The following MAGOHB variants were observed in gnomAD, a reference collection of about 807,000 sequenced individuals.
The protein encoded by MAGOHB is protein mago nashi homolog 2.
Under a neutral mutation model 20.9 loss-of-function variants are expected in MAGOHB, and 15 were observed. The observed-to-expected ratio is 0.72, with a 90% confidence interval of 0.48 to 1.11. MAGOHB has a LOEUF of 1.11. MAGOHB is among the 50% of genes least tolerant of loss of function. The pLI is 0.00. For missense variants in MAGOHB, 162 were observed against 177.6 expected, an observed-to-expected ratio of 0.91 and a Z score of 0.50; for synonymous variants, 50 against 57.9, an observed-to-expected ratio of 0.86 and a Z score of 0.62.
chr12:10,606,078 ATG>A lies in MAGOHB; in HGVS notation c.*195_*196del, dbSNP rs2120505579. 2.9e-6 allele frequency: 1 copy of A among 350,050 alleles called. No homozygotes were observed. The highest frequency in any genetic ancestry group is 4.8e-5 in the Admixed American group (1 of 20,862). 21.7% of individuals were successfully genotyped at this position (350,050 alleles called of 1,614,324 possible). On this transcript the variant is annotated 3_prime_UTR_variant, in exon 5 of 5. Transcript: ENST00000320756. ...AGGTGGCTTTCATTTACAGAATTTA[ATG>A]TGTGTGGGGACTGTCCAACCCATAT...
At chr12:10,612,830 T>C in intron 1 of MAGOHB, 1 of 1,289,122 alleles carries the variant, frequency 7.8e-7, no homozygotes, top group Non-Finnish European at 1.0e-6. Context: ...CCTCTGCTCA[T>C]ACTGCTCTGG....
Position 10,604,817 on chromosome 12 carries a change from A to C in MAGOHB, c.*1458T>G, listed in dbSNP as rs752611223. 6.6e-6 allele frequency: 1 copy of C among 152,216 alleles called. No individual in the cohort carries two copies. Among genetic ancestry groups the C allele is most frequent in the Non-Finnish European group, 1.5e-5 (1 of 68,038 alleles). 9.4% of individuals were successfully genotyped at this position (152,216 alleles called of 1,614,324 possible). ...CATGGCAAACCTGAAGACAATGGGC[A>C]TGCATTTTGAGGAGTGAAAAGGACC... is the stretch of plus-strand genomic sequence containing the variant. On this transcript the variant is annotated 3_prime_UTR_variant, in exon 5 of 5. Coordinates refer to ENST00000320756, the MANE Select transcript of MAGOHB (RefSeq NM_018048.5).
chr12:10,606,618 A>G (rs1035915959), intron 4 of MAGOHB, among the ~76,000 whole-genome samples: 5 of 152,084 alleles, frequency 3.3e-5, no homozygotes, highest in Non-Finnish European at 5.9e-5. Flanking sequence ...TGTAATAACC[A>G]CATCATAAAA....
chr12:10,609,589 C>G, intron 3 of MAGOHB: 1 of 507,386 alleles, frequency 2.0e-6, no homozygotes, highest in Non-Finnish European at 3.5e-6. Context: ...AACATCCTAA[C>G]GTTGGCTGGG....
chr12:10,600,598 C>A (rs1865544757), downstream of MAGOHB, among the ~76,000 whole-genome samples: 1 of 152,022 alleles, frequency 6.6e-6, no homozygotes, highest in African/African-American at 2.4e-5. Flanking sequence ...TGAGTTTTCC[C>A]ACGAAATCTC....
chr12:10,607,202 G>T (rs1464495208), intron 4 of MAGOHB, among the ~76,000 whole-genome samples: 1 of 152,090 alleles, frequency 6.6e-6, no homozygotes, highest in Non-Finnish European at 1.5e-5. Flanking sequence ...TATGTGCAGG[G>T]CACTATGCTA....
downstream of MAGOHB, among the ~76,000 whole-genome samples, chr12:10,602,197 A>C (rs932169965): frequency 2.0e-5 from 3 of 152,248 alleles, no homozygotes; most frequent in African/African-American, 7.2e-5. Context: ...TGTCTCCTCT[A>C]TCATAATATA....
downstream of MAGOHB, among the ~76,000 whole-genome samples, chr12:10,601,136 G>T (rs545528015): frequency 8.5e-5 from 13 of 152,176 alleles, no homozygotes; most frequent in Non-Finnish European, 1.9e-4. Flanking sequence ...AATAAAGGAA[G>T]TTAGTTCTGT....
At chr12:10,600,066 TTCTA>T (rs753956157), downstream of MAGOHB, among the ~76,000 whole-genome samples, 1 of 152,132 alleles carries the variant, frequency 6.6e-6, no homozygotes, top group Non-Finnish European at 1.5e-5. Context: ...AAGTTCCTTT[TTCTA>T]TCTGTTTATT....
rs757300560 is a variant in MAGOHB at position 10,613,455 on chromosome 12, G to C, written c.78C>G (p.Phe26Leu). ...TCTTCTCACCGTCCGGCCGAAATTC[G>C]AACTCCAGAAACTCGTGCCCAAACT... ...KGKFGHEFLE[F>L]EFRPDGKLRY... Residue 26 changes from phenylalanine to leucine, a missense_variant, in exon 1 of 5, where the codon TTC becomes TTG. Coordinates refer to ENST00000320756, the MANE Select transcript of MAGOHB (RefSeq NM_018048.5). 1.2e-6 allele frequency: 2 copies of C among 1,614,006 alleles called. No individual in the cohort carries two copies. The highest frequency in any genetic ancestry group is 1.1e-5 in the South Asian group (1 of 91,072).
chr12:10,601,243 C>A (rs912888287), downstream of MAGOHB, among the ~76,000 whole-genome samples: 13 of 151,668 alleles, frequency 8.6e-5, no homozygotes, highest in Admixed American at 6.6e-5. Flanking sequence ...TATTGGAGTA[C>A]CTCTTGTGCA....
At chr12:10,601,851 T>C (rs1407098311), downstream of MAGOHB, among the ~76,000 whole-genome samples, 2 of 152,350 alleles carry the variant, frequency 1.3e-5, no homozygotes, top group East Asian at 3.9e-4. Context: ...AGACAGGATT[T>C]CTTACACTTC....
chr12:10,610,686 G>C lies in MAGOHB; in HGVS notation c.95-6C>G. The C allele has an allele frequency of 1.3e-6, 2 of 1,573,242 alleles. No individual in the cohort carries two copies. Among genetic ancestry groups the C allele is most frequent in the Non-Finnish European group, 1.7e-6 (2 of 1,167,390 alleles). ...GTTGGCATATCTAAGCTTTCCTGTGGGAAGTGGAAAAAAATCAATTTATAA... is the reference window on the plus strand; with the variant it reads ...GTTGGCATATCTAAGCTTTCCTGTGCGAAGTGGAAAAAAATCAATTTATAA... On this transcript the variant is annotated splice_polypyrimidine_tract_variant and splice_region_variant and intron_variant, in intron 1 of 4. Transcript: ENST00000320756.
At chr12:10,599,882 A>G (rs951728206), downstream of MAGOHB, among the ~76,000 whole-genome samples, 9 of 152,188 alleles carry the variant, frequency 5.9e-5, no homozygotes, top group African/African-American at 2.2e-4. Flanking sequence ...AACTAATATC[A>G]TTAACAAAAA....
At chr12:10,603,887 A>C (rs944522701), downstream of MAGOHB, among the ~76,000 whole-genome samples, 2 of 152,250 alleles carry the variant, frequency 1.3e-5, no homozygotes, top group African/African-American at 4.8e-5. Context: ...AGCACAGTCC[A>C]TGCTCATAGG....
At chr12:10,612,746 TG>T in intron 1 of MAGOHB, 1 of 1,198,602 alleles carries the variant, frequency 8.3e-7, no homozygotes, top group Non-Finnish European at 1.1e-6. Flanking sequence ...GCAAGATCAA[TG>T]TAACATTCTC....
In MAGOHB at chr12:10,604,636, T is replaced by C. The variant is rs1403575665; in HGVS notation, c.*1639A>G. On this transcript the variant is annotated 3_prime_UTR_variant, in exon 5 of 5. Coordinates refer to ENST00000320756, the MANE Select transcript of MAGOHB (RefSeq NM_018048.5). ...TGGAAGTTCAAAAGACGATTGTTCC[T>C]GTTTCTGAGGTTGACATCTAAATGC... 6.6e-6 allele frequency: 1 copy of C among 152,250 alleles called. No individual in the cohort carries two copies. Among genetic ancestry groups the C allele is most frequent in the Non-Finnish European group, 1.5e-5 (1 of 68,038 alleles). The allele number at this position is 152,250 out of a possible 1,614,324, so 9.4% of individuals were successfully genotyped here.
chr12:10,611,133 C>T (rs1254768594), intron 1 of MAGOHB, among the ~76,000 whole-genome samples: 2 of 152,180 alleles, frequency 1.3e-5, no homozygotes, highest in Admixed American at 1.3e-4. Context: ...TAACCAGGGT[C>T]ACACAAGATT....
chr12:10,612,498 A>G (rs1470144102), intron 1 of MAGOHB: 2 of 204,744 alleles, frequency 9.8e-6, no homozygotes, highest in African/African-American at 4.7e-5. Context: ...TTCCTTCTCT[A>G]ATTTTTTATT....
Sources: allele counts gnomAD v4.1 joint callset (sites outside exome capture counted in the v4.1 genomes callset), GRCh38; gene constraint gnomAD v4.1.1; transcripts MANE v1.5; gene names NCBI Gene and HGNC (gene_info 2026-07-23, HGNC 2026-07-21).